The following PLPP3 variants were observed in gnomAD, a reference collection of about 807,000 sequenced individuals.
PLPP3 encodes PAP2 beta.
In PLPP3, 6 loss-of-function variants were observed where a neutral mutation model predicts 29.6. That is an observed-to-expected ratio of 0.20 (90% CI 0.11 to 0.40). The LOEUF is 0.40. Among genes scored for constraint, PLPP3 ranks in the 10% least tolerant of loss-of-function variants. The probability of loss-of-function intolerance (pLI) is 1.00; values close to 1 mark genes in which losing one functional copy is unlikely to be tolerated. For missense variants in PLPP3, 308 were observed against 407.7 expected (o/e 0.76, Z 2.11); for synonymous variants, 152 against 159.7 (o/e 0.95, Z 0.36).
At position 56,530,311 on chromosome 1, in the gene PLPP3, C is replaced by T. The variant is rs914119002; in HGVS notation, c.298-5757G>A. ...CTGCTTCAATAGCTTCAATTGTTACCTCTGTGAAGATGACCTTCAAAAGGG... is the reference window on the plus strand; with the variant it reads ...CTGCTTCAATAGCTTCAATTGTTACTTCTGTGAAGATGACCTTCAAAAGGG... On this transcript the variant is annotated intron_variant, in intron 2 of 5. Coordinates refer to ENST00000371250, the MANE Select transcript of PLPP3 (RefSeq NM_003713.5). Among the ~76,000 whole-genome samples, 6 of 111,814 alleles carry T rather than the reference C, an allele frequency of 5.4e-5. No homozygotes were observed. The South Asian group carries it at 1.7e-3, about 32-fold the overall frequency. 73.4% of individuals were successfully genotyped at this position (111,814 alleles called of 152,430 possible).
In PLPP3 at chr1:56,496,307, A is replaced by C; in HGVS notation, c.*244T>G. On this transcript the variant is annotated 3_prime_UTR_variant, in exon 6 of 6. Transcript: ENST00000371250. ...CTGAACAAGCTGTGTTCACTAGAAC[A>C]TGAACACTTAAACCAATTGCACATC... The C allele has an allele frequency of 2.6e-6, 1 of 387,082 alleles. No homozygotes were observed. The highest frequency in any genetic ancestry group is 4.8e-6 in the Non-Finnish European group (1 of 208,054). The allele number at this position is 387,082 out of a possible 1,614,324, so 24.0% of individuals were successfully genotyped here.
chr1:56,576,006 G>A (rs973112056), intron 1 of PLPP3, among the ~76,000 whole-genome samples: 7 of 152,014 alleles, frequency 4.6e-5, no homozygotes, highest in Non-Finnish European at 7.4e-5. Flanking sequence ...GCAATTAATC[G>A]GTAAAGATAG....
chr1:56,519,159 A>G (rs1384540621), intron 4 of PLPP3, among the ~76,000 whole-genome samples: 1 of 152,090 alleles, frequency 6.6e-6, no homozygotes, highest in African/African-American at 2.4e-5. Flanking sequence ...CGTGCCCTCC[A>G]TTCCCTGGTT....
At chr1:56,512,740 A>G (rs1476978279) in intron 4 of PLPP3, 2 of 152,242 alleles carry the variant, frequency 1.3e-5, no homozygotes, top group South Asian at 2.1e-4. Context: ...GCAATATAAT[A>G]TATGTAAATG....
At chr1:56,566,246 T>C (rs1646161314) in intron 1 of PLPP3, among the ~76,000 whole-genome samples, 1 of 152,174 alleles carries the variant, frequency 6.6e-6, no homozygotes, top group African/African-American at 2.4e-5. Context: ...AAAGCCAGCA[T>C]GGAGTAGTGG....
At chr1:56,538,553 T>C in intron 1 of PLPP3, 2 of 378,376 alleles carry the variant, frequency 5.3e-6, no homozygotes, top group East Asian at 1.3e-4. Context: ...TGAGAATCTA[T>C]GAGAAAGGTG....
At position 56,523,637 on chromosome 1, in the gene PLPP3, T is replaced by C. The variant is rs138987747; in HGVS notation, c.633+186A>G. Among the ~76,000 whole-genome samples the C allele has an allele frequency of 1.4e-3, 208 of 152,312 alleles. 1 individual carries two copies. The East Asian group carries it at 0.018, about 13-fold the overall frequency. On this transcript the variant is annotated intron_variant, in intron 4 of 5. Transcript: ENST00000371250. ...TTATTTGAAAAATGGGGGAAAAAAC[T>C]AGAAAGTAAAATAACTTCTGCTAAG...
intron 2 of PLPP3, among the ~76,000 whole-genome samples, chr1:56,532,525 T>C (rs765772749): frequency 1.3e-5 from 2 of 152,132 alleles, no homozygotes; most frequent in Non-Finnish European, 2.9e-5. Flanking sequence ...AAGTGAAGCA[T>C]GATACTGAAT....
intron 5 of PLPP3, among the ~76,000 whole-genome samples, chr1:56,511,524 G>GT (rs1412471389): frequency 6.6e-6 from 1 of 152,094 alleles, no homozygotes; most frequent in African/African-American, 2.4e-5. Flanking sequence ...GTCCCATTGC[G>GT]TACTGTGTCC....
intron 1 of PLPP3, among the ~76,000 whole-genome samples, chr1:56,566,569 C>T (rs1222589118): frequency 6.6e-6 from 1 of 152,136 alleles, no homozygotes; most frequent in Non-Finnish European, 1.5e-5. Context: ...AGTCCAAATT[C>T]CAGCCCCGAT....
chr1:56,562,861 T>C (rs1412197862), intron 1 of PLPP3, among the ~76,000 whole-genome samples: 2 of 152,210 alleles, frequency 1.3e-5, no homozygotes, highest in Admixed American at 1.3e-4. Flanking sequence ...CCTCTTATAT[T>C]TCTTAGACTT....
At chr1:56,538,205 G>A (rs1282193257) in intron 1 of PLPP3, among the ~76,000 whole-genome samples, 4 of 152,164 alleles carry the variant, frequency 2.6e-5, no homozygotes, top group Non-Finnish European at 4.4e-5. Flanking sequence ...CATCTCTCCA[G>A]CTTCATGCTC....
intron 5 of PLPP3, among the ~76,000 whole-genome samples, chr1:56,511,061 C>T (rs1259780916): frequency 6.6e-6 from 1 of 152,222 alleles, no homozygotes; most frequent in East Asian, 1.9e-4. Flanking sequence ...ATACAACCTA[C>T]ATGTGTGGTG....
chr1:56,506,283 C>T (rs373826932), intron 5 of PLPP3, among the ~76,000 whole-genome samples: 2 of 152,188 alleles, frequency 1.3e-5, no homozygotes, highest in Admixed American at 1.3e-4. Flanking sequence ...TGTCCTTGGG[C>T]GTGTCCTGGC....
intron 1 of PLPP3, among the ~76,000 whole-genome samples, chr1:56,544,460 T>C (rs1430472054): frequency 6.6e-6 from 1 of 152,204 alleles, no homozygotes; most frequent in Admixed American, 6.5e-5. Context: ...ACCTCCTTCC[T>C]TTTGAATCCT....
At chr1:56,546,162 G>A (rs1646004637) in intron 1 of PLPP3, among the ~76,000 whole-genome samples, 2 of 152,322 alleles carry the variant, frequency 1.3e-5, no homozygotes, top group South Asian at 2.1e-4. Flanking sequence ...TGGCAATGCA[G>A]GCAGTAATAA....
At position 56,578,933 on chromosome 1, in the gene PLPP3, C is replaced by G. The variant is rs763384351; in HGVS notation, c.84G>C (p.Arg28Ser). The change falls in exon 1 of 6, where the codon AGG (arginine) becomes AGC (serine). Residue 28 changes from arginine (R) to serine (S), a missense_variant. This residue lies in a region of PLPP3 where 67 missense variants were observed against 61.3 expected (regional missense o/e 1.09). Transcript: ENST00000371250. ...TGAGCAGCACCCGCTTGCTGCCGCT[C>G]CTCCTCGGGTTGTTGTTGAGCGCCG... The part of the protein sequence containing the change: ...GSPALNNNPR[R>S]SGSKRVLLIC... 1 of 1,606,106 alleles carries G rather than the reference C, an allele frequency of 6.2e-7. No individual in the cohort carries two copies. Among genetic ancestry groups the G allele is most frequent in the Non-Finnish European group, 8.5e-7 (1 of 1,177,084 alleles).
At chr1:56,523,198 A>G (rs1434551424) in intron 4 of PLPP3, among the ~76,000 whole-genome samples, 1 of 152,036 alleles carries the variant, frequency 6.6e-6, no homozygotes, top group Non-Finnish European at 1.5e-5. Context: ...ATTTTGCAAA[A>G]CTCAAAATTA....
Position 56,574,293 on chromosome 1 carries a change from A to T in PLPP3, c.139+4585T>A, listed in dbSNP as rs114765456. Among the ~76,000 whole-genome samples, 532 of 152,178 alleles carry T rather than the reference A, an allele frequency of 3.5e-3. 2 individuals are homozygous for T. Among genetic ancestry groups the T allele is most frequent in the African/African-American group, 0.012 (512 of 41,522 alleles). On this transcript the variant is annotated intron_variant, in intron 1 of 5. Transcript: ENST00000371250. ...CAGGGCTTACCTACTAAATGATCCT[A>T]GGCTGGAGTGCAGTGACACAATCAT...
Sources: allele counts gnomAD v4.1 joint callset (sites outside exome capture counted in the v4.1 genomes callset), GRCh38; gene constraint gnomAD v4.1.1; regional missense constraint gnomAD v4.1.1; transcripts MANE v1.5; gene names NCBI Gene and HGNC (gene_info 2026-07-23, HGNC 2026-07-21).